Variants in ADAM9 observed in about 807,000 individuals in gnomAD.
The protein encoded by ADAM9 is ADAM metallopeptidase domain 9, also known as disintegrin and metalloproteinase domain-containing protein 9.
A neutral mutation model predicts 108.1 loss-of-function variants in ADAM9; 54 were observed. That is an observed-to-expected ratio of 0.50 (90% CI 0.40 to 0.63). The LOEUF (loss-of-function observed/expected upper bound fraction) is 0.63, where lower values mean the gene tolerates loss of function less well. ADAM9 is among the 20% of genes least tolerant of loss of function. The pLI is 0.00. For missense variants in ADAM9, 830 were observed against 997.7 expected (o/e 0.83, Z 2.26); for synonymous variants, 316 against 336.0 (o/e 0.94, Z 0.65).
chr8:38,997,070 T>G lies in ADAM9; in HGVS notation c.7T>G (p.Ser3Ala). Residue 3 changes from serine to alanine, a missense_variant, in exon 1 of 22, where the codon TCT becomes GCT. By Grantham distance (99) the Ser-to-Ala change is moderately conservative (BLOSUM62 1). Coordinates refer to ENST00000487273, the MANE Select transcript of ADAM9 (RefSeq NM_003816.3). MG[S>A]GARFPSGTLR... is the part of the protein sequence containing the mutation. Reference sequence around the variant, plus strand: ...ACCTGCGGAATCGGCCGAGATGGGGTCTGGCGCGCGCTTTCCCTCGGGGAC... The same window carrying G: ...ACCTGCGGAATCGGCCGAGATGGGGGCTGGCGCGCGCTTTCCCTCGGGGAC... The G allele has an allele frequency of 6.2e-7, 1 of 1,606,542 alleles. No homozygotes were observed. Among genetic ancestry groups the G allele is most frequent in the Non-Finnish European group, 8.5e-7 (1 of 1,179,288 alleles).
At chr8:39,026,902 C>A in intron 11 of ADAM9, 92 bp downstream of exon 11, 3 of 1,510,588 alleles carry the variant, frequency 2.0e-6, no homozygotes, top group Non-Finnish European at 2.7e-6. Flanking sequence ...ATTGGGAAAA[C>A]AGGAAATGTT....
At chr8:39,101,679 G>A (rs539299675) in intron 20 of ADAM9, among the ~76,000 whole-genome samples, 184 bp from the exon 21 acceptor site, 18 of 152,092 alleles carry the variant, frequency 1.2e-4, no homozygotes, top group Admixed American at 3.3e-4. Context: ...GATTATGTAC[G>A]TGCAAATATT....
At chr8:39,068,804 A>G (rs1838581782) in intron 14 of ADAM9, among the ~76,000 whole-genome samples, 1 of 149,036 alleles carries the variant, frequency 6.7e-6, no homozygotes, top group Admixed American at 6.8e-5. Flanking sequence ...TGCTCAGTTC[A>G]TCCCCTTGTT....
intron 14 of ADAM9, among the ~76,000 whole-genome samples, chr8:39,057,750 C>T (rs2129439163): frequency 6.6e-6 from 1 of 152,270 alleles, no homozygotes; most frequent in Non-Finnish European, 1.5e-5. Flanking sequence ...ATGGGGCCCA[C>T]CTCCAATAGG....
At chr8:39,000,471 T>C (rs573667144) in intron 1 of ADAM9, among the ~76,000 whole-genome samples, 1 of 152,082 alleles carries the variant, frequency 6.6e-6, no homozygotes, top group South Asian at 2.1e-4. Flanking sequence ...CTTTTTTTTT[T>C]CTTTCTGAGA....
rs531364398 is a variant in ADAM9, at chr8:39,095,641, G to A, written c.2298+4295G>A. On this transcript the variant is annotated intron_variant, in intron 20 of 21. Transcript: ENST00000487273. ...GGAATGTGTCTATTAGATCTGTTTT[G>A]TTTAAAGTCTAGTTTGAGCCAAATG... Among the ~76,000 whole-genome samples the A allele has an allele frequency of 7.4e-4, 112 of 152,258 alleles. 1 individual carries two copies. Among genetic ancestry groups the A allele is most frequent in the Admixed American group, 3.8e-3 (58 of 15,292 alleles).
chr8:39,090,007 AT>A, intron 18 of ADAM9, 39 bp from the exon 19 acceptor site: 2 of 1,605,032 alleles, frequency 1.2e-6, no homozygotes, highest in South Asian at 1.1e-5. Context: ...TCTGCCTAGT[AT>A]GAGTTTGGTG....
chr8:39,017,083 T>G, intron 5 of ADAM9, 136 bp from the exon 6 acceptor site: 1 of 941,432 alleles, frequency 1.1e-6, no homozygotes, highest in South Asian at 1.5e-5. Context: ...TGTCTGATTC[T>G]AAAGCCTCTA....
intron 1 of ADAM9, among the ~76,000 whole-genome samples, chr8:39,002,332 T>A (rs1836022461): frequency 6.8e-6 from 1 of 146,200 alleles, no homozygotes; most frequent in African/African-American, 2.5e-5. Context: ...TTTTTTTTTT[T>A]TTTTGAGACA....
chr8:38,998,047 T>G (rs1224680855), intron 1 of ADAM9, among the ~76,000 whole-genome samples: 1 of 152,246 alleles, frequency 6.6e-6, no homozygotes, highest in African/African-American at 2.4e-5. Context: ...ATGATATAAT[T>G]GTTTGCATGG....
rs377386591 is a variant in ADAM9, at chr8:39,005,088, A to G, written c.98-2798A>G. Among the ~76,000 whole-genome samples the G allele has an allele frequency of 5.0e-4, 76 of 152,292 alleles. 1 individual carries two copies. The South Asian group carries it at 0.013, about 26-fold the overall frequency. On this transcript the variant is annotated intron_variant, in intron 1 of 21. Transcript: ENST00000487273. ...TCAGTCTGGTCTGAGTGCTGCTGACATATTTTCCCTCATCCTTTTACATGG... is the reference window on the plus strand; with the variant it reads ...TCAGTCTGGTCTGAGTGCTGCTGACGTATTTTCCCTCATCCTTTTACATGG...
chr8:38,998,946 C>T (rs1835913331), intron 1 of ADAM9, among the ~76,000 whole-genome samples: 2 of 152,058 alleles, frequency 1.3e-5, no homozygotes, highest in Non-Finnish European at 2.9e-5. Context: ...GTTCTTTGGG[C>T]AGTGGAGGTT....
At chr8:39,045,011 T>C (rs555050678) in intron 12 of ADAM9, among the ~76,000 whole-genome samples, 21 of 106,126 alleles carry the variant, frequency 2.0e-4, no homozygotes, top group African/African-American at 2.9e-4. Context: ...CATACCTATG[T>C]ATGTGTATGT....
At chr8:39,007,802 T>C in intron 1 of ADAM9, 84 bp from the exon 2 acceptor site, 1 of 938,328 alleles carries the variant, frequency 1.1e-6, no homozygotes, top group Non-Finnish European at 1.7e-6. Context: ...TTCTGTGATT[T>C]GAACATTTTG....
chr8:39,032,384 G>A (rs1032451502), intron 11 of ADAM9, among the ~76,000 whole-genome samples: 1 of 152,240 alleles, frequency 6.6e-6, no homozygotes, highest in Admixed American at 6.5e-5. Flanking sequence ...AATGGCAGAC[G>A]CCCCTCCCCC....
intron 20 of ADAM9, among the ~76,000 whole-genome samples, chr8:39,096,985 A>G (rs749563580): frequency 2.6e-5 from 4 of 152,100 alleles, no homozygotes; most frequent in Non-Finnish European, 4.4e-5. Flanking sequence ...TAATTTATAT[A>G]TATCTGTTTC....
intron 14 of ADAM9, 22 bp from the exon 15 acceptor site, chr8:39,071,276 T>C: frequency 6.2e-7 from 1 of 1,610,492 alleles, no homozygotes; most frequent in Non-Finnish European, 8.5e-7. Context: ...TTTTTTCTTT[T>C]TTTAAATGTT....
chr8:39,104,735 A>G lies in ADAM9; in HGVS notation c.*1035A>G. The G allele has an allele frequency of 2.2e-6, 1 of 453,828 alleles. No homozygotes were observed. Among genetic ancestry groups the G allele is most frequent in the South Asian group, 1.6e-5 (1 of 64,432 alleles). The allele number at this position is 453,828 out of a possible 1,614,324, so 28.1% of individuals were successfully genotyped here. On this transcript the variant is annotated 3_prime_UTR_variant, in exon 22 of 22. Transcript: ENST00000487273. ...ATTAGGCTGGAGAAAGAAGGAAGAAATGGTTTTCTTAAATACCTACAAAAA... is the reference window on the plus strand; with the variant it reads ...ATTAGGCTGGAGAAAGAAGGAAGAAGTGGTTTTCTTAAATACCTACAAAAA...
At chr8:39,065,687 A>G (rs549483853) in intron 14 of ADAM9, among the ~76,000 whole-genome samples, 158 of 150,038 alleles carry the variant, frequency 1.1e-3, no homozygotes, top group South Asian at 8.2e-3. Context: ...AAAAAAGGAC[A>G]TAATCTGTTC....
Sources: gnomAD v4.1 joint callset for allele counts (sites outside exome capture counted in the v4.1 genomes callset) on GRCh38, gnomAD v4.1.1 for gene constraint, MANE v1.5 for transcripts, NCBI Gene and HGNC (gene_info 2026-07-23, HGNC 2026-07-21) for gene names.